BLNK: variants seen among roughly 807,000 people sequenced by gnomAD.
BLNK encodes the protein B cell linker, also known as B-cell linker protein.
A neutral mutation model predicts 73.5 loss-of-function variants in BLNK; 29 were observed. That is an observed-to-expected ratio of 0.39 (90% confidence interval 0.29 to 0.54). The LOEUF (loss-of-function observed/expected upper bound fraction) is 0.54. Among genes scored for constraint, BLNK ranks in the 20% least tolerant of loss-of-function variants. BLNK has a pLI of 0.61. For missense variants in BLNK, 460 were observed against 562.8 expected, an observed-to-expected ratio of 0.82 and a Z score of 1.85; for synonymous variants, 176 against 200.8, an observed-to-expected ratio of 0.88 and a Z score of 1.04.
intron 6 of BLNK, among the ~76,000 whole-genome samples, chr10:96,220,154 G>A (rs1279572453): frequency 6.6e-6 from 1 of 152,136 alleles, no homozygotes. Flanking sequence ...ATCTGCTGTG[G>A]TCCACCTCAG....
intron 8 of BLNK, among the ~76,000 whole-genome samples, chr10:96,213,581 T>C (rs1335114241): frequency 1.3e-5 from 2 of 151,802 alleles, no homozygotes; most frequent in Admixed American, 1.3e-4. Flanking sequence ...TACAGGCTGA[T>C]TGGAGTACTG....
intron 13 of BLNK, among the ~76,000 whole-genome samples, chr10:96,201,990 G>C (rs1215552030): frequency 6.6e-6 from 1 of 152,158 alleles, no homozygotes; most frequent in African/African-American, 2.4e-5. Flanking sequence ...GGTGGAGAGG[G>C]AGGAGGCACT....
At chr10:96,196,460 A>G (rs1387251236) in intron 16 of BLNK, among the ~76,000 whole-genome samples, 1 of 152,196 alleles carries the variant, frequency 6.6e-6, no homozygotes, top group Non-Finnish European at 1.5e-5. Flanking sequence ...ATTCTGGTAC[A>G]AGGGCTATAG....
chr10:96,224,268 T>G (rs1554901945), intron 5 of BLNK, among the ~76,000 whole-genome samples: 1 of 152,156 alleles, frequency 6.6e-6, no homozygotes. Context: ...AACCCAACAC[T>G]TGGCCACACA....
intron 4 of BLNK, among the ~76,000 whole-genome samples, chr10:96,229,654 C>CTGTGTGTGTGTGTGTGTGTGTGTGTGTG (rs10625497): frequency 1.4e-5 from 2 of 142,584 alleles, no homozygotes; most frequent in African/African-American, 5.3e-5. Context: ...TTACATGTGG[C>CTGTGTGTGTGTGTGTGTGTGTGTGTGTG]TGTGTGTGTG....
At chr10:96,241,515 G>A (rs1591347532) in intron 3 of BLNK, among the ~76,000 whole-genome samples, 1 of 152,096 alleles carries the variant, frequency 6.6e-6, no homozygotes, top group African/African-American at 2.4e-5. Flanking sequence ...TAAACTTGGA[G>A]AGGACTGAGA....
intron 1 of BLNK, among the ~76,000 whole-genome samples, chr10:96,259,524 A>T (rs1843653900): frequency 6.6e-6 from 1 of 152,080 alleles, no homozygotes; most frequent in African/African-American, 2.4e-5. Flanking sequence ...TCAACACCCG[A>T]GGCAGAAAGG....
At chr10:96,208,013 G>A (rs2083862533) in intron 9 of BLNK, 114 bp from the exon 10 acceptor site, 5 of 1,121,338 alleles carry the variant, frequency 4.5e-6, no homozygotes, top group South Asian at 1.3e-5. Flanking sequence ...ATACAAGTGT[G>A]TAGAAGACTA....
chr10:96,237,588 G>A (rs1005490207), intron 3 of BLNK, among the ~76,000 whole-genome samples: 3 of 152,092 alleles, frequency 2.0e-5, no homozygotes, highest in East Asian at 3.9e-4. Flanking sequence ...GCAGACTCTC[G>A]GGCACCATGA....
chr10:96,205,980 G>T (rs1359343071), intron 11 of BLNK, among the ~76,000 whole-genome samples: 1 of 152,160 alleles, frequency 6.6e-6, no homozygotes, highest in Admixed American at 6.5e-5. Flanking sequence ...GCAAGGAATG[G>T]AAGTACAGAA....
chr10:96,225,910 G>T (rs1842238893), intron 5 of BLNK, among the ~76,000 whole-genome samples: 1 of 152,204 alleles, frequency 6.6e-6, no homozygotes, highest in Admixed American at 6.5e-5. Flanking sequence ...CTCCCAAAGT[G>T]CTGGGATTAC....
chr10:96,262,572 A>G (rs1827880290), intron 1 of BLNK, among the ~76,000 whole-genome samples: 1 of 152,212 alleles, frequency 6.6e-6, no homozygotes, highest in Admixed American at 6.5e-5. Context: ...TAAGACAAAA[A>G]CACCTTCCAA....
At chr10:96,220,964 C>A (rs1439629593) in intron 6 of BLNK, among the ~76,000 whole-genome samples, 5 of 152,192 alleles carry the variant, frequency 3.3e-5, no homozygotes, top group Admixed American at 6.5e-5. Flanking sequence ...TATTACTTAG[C>A]CGGAGTCATT....
intron 3 of BLNK, among the ~76,000 whole-genome samples, chr10:96,240,661 T>C (rs11188677): frequency 0.22 from 34,116 of 152,084 alleles, 4,357 homozygotes; most frequent in Non-Finnish European, 0.29. Context: ...CAGGGCTGCC[T>C]GTCCCTTGCT....
At position 96,190,587 on chromosome 10, in the gene BLNK, A is replaced by G. The variant is rs1453187741; in HGVS notation, c.*1386T>C. Among the ~76,000 whole-genome samples, 3 of 152,250 alleles carry G rather than the reference A, an allele frequency of 2.0e-5. No individual in the cohort carries two copies. On this transcript the variant is annotated 3_prime_UTR_variant, in exon 17 of 17. Coordinates refer to ENST00000224337, the MANE Select transcript of BLNK (RefSeq NM_013314.4). ...ATGAAAGTTTATGACATTTAAATAT[A>G]CAATTATCTTTAGAAGTGAGTCATG...
chr10:96,223,788 C>G, intron 6 of BLNK, 38 bp downstream of exon 6: 1 of 1,611,802 alleles, frequency 6.2e-7, no homozygotes, highest in African/African-American at 1.3e-5. Context: ...CCACCCCCCT[C>G]TGTGTCCTGG....
rs782608486 is a variant in BLNK, at chr10:96,227,419, C to T, written c.352G>A (p.Glu118Lys). The change falls in exon 5 of 17, where the codon GAG becomes AAG. Residue 118 changes from glutamate (E) to lysine (K), a missense_variant. Physicochemically the swap from Glu to Lys is moderately conservative, Grantham distance 56. Transcript: ENST00000224337. Reference sequence around the variant, plus strand: ...CTGCGGGGGACCTCACCTATATACTCGCCTCTGGCGAAGGGCAGGGCTGGG... The same window carrying T: ...CTGCGGGGGACCTCACCTATATACTTGCCTCTGGCGAAGGGCAGGGCTGGG... ...VHPALPFARGEYIDNRSSQRH... is the reference protein window; with the variant it reads ...VHPALPFARGKYIDNRSSQRH... 1.1e-5 allele frequency: 17 copies of T among 1,613,942 alleles called. No individual in the cohort carries two copies. Among genetic ancestry groups the T allele is most frequent in the Admixed American group, 3.3e-5 (2 of 60,034 alleles).
intron 8 of BLNK, among the ~76,000 whole-genome samples, chr10:96,214,015 A>G (rs1476915639): frequency 2.0e-5 from 3 of 152,256 alleles, no homozygotes; most frequent in Non-Finnish European, 4.4e-5. Context: ...AGTCCAGGAA[A>G]AGATTTTTAA....
At chr10:96,230,093 A>G (rs1382063998) in intron 4 of BLNK, among the ~76,000 whole-genome samples, 1 of 152,206 alleles carries the variant, frequency 6.6e-6, no homozygotes, top group Non-Finnish European at 1.5e-5. Context: ...TGAATTTGAT[A>G]TAAGTGAGGA....
Sources: allele counts gnomAD v4.1 joint callset (sites outside exome capture counted in the v4.1 genomes callset), GRCh38; gene constraint gnomAD v4.1.1; transcripts MANE v1.5; gene names NCBI Gene and HGNC (gene_info 2026-07-23, HGNC 2026-07-21).